RBM26: variants seen among roughly 807,000 people sequenced by gnomAD.
The protein encoded by RBM26 is RNA-binding protein 26.
A neutral mutation model predicts 123.6 loss-of-function variants in RBM26; 30 were observed. The ratio of observed to expected loss-of-function variants is 0.24; its 90% confidence interval spans 0.18 to 0.33. RBM26 has a LOEUF of 0.33. Among genes scored for constraint, RBM26 ranks in the 10% least tolerant of loss-of-function variants. The pLI, the probability that RBM26 is intolerant of heterozygous loss-of-function variation, is 1.00. For missense variants in RBM26, 947 were observed against 1,203.6 expected (o/e 0.79, Z 3.15); for synonymous variants, 400 against 404.4 (o/e 0.99, Z 0.13).
intron 1 of RBM26, among the ~76,000 whole-genome samples, chr13:79,382,764 T>G (rs1288279763): frequency 3.3e-5 from 5 of 152,138 alleles, no homozygotes; most frequent in Admixed American, 6.6e-5. Context: ...AACTGAGAAC[T>G]AGACAGGAAA....
chr13:79,319,979 T>A lies in RBM26; in HGVS notation c.*642A>T. 1.6e-6 allele frequency: 1 copy of A among 626,654 alleles called. No homozygotes were observed. The highest frequency in any genetic ancestry group is 1.9e-6 in the Non-Finnish European group (1 of 515,168). The allele number at this position is 626,654 out of a possible 1,614,324, so 38.8% of individuals were successfully genotyped here. A position where few individuals can be genotyped will look rare whatever the true frequency, so the allele number is the denominator to read the frequency against. On this transcript the variant is annotated 3_prime_UTR_variant, in exon 22 of 22. Coordinates refer to ENST00000438737, the MANE Select transcript of RBM26 (RefSeq NM_001366735.2). ...TTTTTTTTTTTTTTTTTGTCATTGC[T>A]TTTCTCTTTTCTTTCCTTTTTTTTT...
chr13:79,400,261 T>G (rs1054708545), intron 1 of RBM26, among the ~76,000 whole-genome samples: 9 of 152,176 alleles, frequency 5.9e-5, no homozygotes, highest in Non-Finnish European at 8.8e-5. Flanking sequence ...GATGGGTAAT[T>G]TATAAAGAAA....
At chr13:79,370,832 A>G in intron 5 of RBM26, 113 bp downstream of exon 5, 1 of 1,120,918 alleles carries the variant, frequency 8.9e-7, no homozygotes, top group Non-Finnish European at 1.3e-6. Context: ...TGGACCACAG[A>G]ATACATCATA....
intron 20 of RBM26, among the ~76,000 whole-genome samples, chr13:79,332,535 C>A (rs1033735314): frequency 6.6e-6 from 1 of 152,092 alleles, no homozygotes; most frequent in Non-Finnish European, 1.5e-5. Flanking sequence ...TATGCTTATG[C>A]TTTAACAACT....
At chr13:79,397,096 G>T (rs554236134) in intron 1 of RBM26, among the ~76,000 whole-genome samples, 18 of 152,268 alleles carry the variant, frequency 1.2e-4, no homozygotes, top group African/African-American at 2.9e-4. Context: ...CCTGAGAATC[G>T]TTTGAACCTG....
chr13:79,340,449 A>G (rs1221353156), intron 18 of RBM26, among the ~76,000 whole-genome samples: 1 of 152,064 alleles, frequency 6.6e-6, no homozygotes, highest in Non-Finnish European at 1.5e-5. Flanking sequence ...CTAAAGTATA[A>G]AAATCTTAAA....
intron 1 of RBM26, among the ~76,000 whole-genome samples, chr13:79,383,241 T>G (rs143580937): frequency 2.0e-5 from 3 of 152,084 alleles, no homozygotes; most frequent in African/African-American, 7.2e-5. Flanking sequence ...TATCAATGAG[T>G]AAAATCATTA....
At position 79,355,340 on chromosome 13, in the gene RBM26, T is replaced by G. The variant is rs1422464085; in HGVS notation, c.1734A>C (p.Ala578=). ...TTGCTTTCTTTGCTTCTTCGTATGT[T>G]GCAAATTGGATTAGGGCACCTTCAG... ...GDPEGALIQF[A]TYEEAKKAIS... Residue 578 remains alanine (A), a synonymous_variant, in exon 12 of 22, where the codon GCA becomes GCC. Transcript: ENST00000438737. 1 of 1,613,882 alleles carries G rather than the reference T, an allele frequency of 6.2e-7. No individual in the cohort carries two copies. Among genetic ancestry groups the G allele is most frequent in the East Asian group, 2.2e-5 (1 of 44,862 alleles).
chr13:79,387,460 A>C (rs542386019), intron 1 of RBM26, among the ~76,000 whole-genome samples: 1 of 152,244 alleles, frequency 6.6e-6, no homozygotes, highest in South Asian at 2.1e-4. Flanking sequence ...GTACTCCAAA[A>C]AACAATTTTC....
intron 11 of RBM26, among the ~76,000 whole-genome samples, chr13:79,355,697 T>C (rs1466503603): frequency 6.6e-6 from 1 of 152,190 alleles, no homozygotes; most frequent in African/African-American, 2.4e-5. Context: ...ACAATCCCTA[T>C]TGTCAATAAA....
In RBM26 at chr13:79,319,325, G is replaced by A. The variant is rs957929166; in HGVS notation, c.*1296C>T. ...AGGCAGAAACACTTGCAATCAAAAT[G>A]ATGAATTTGAAAATATAAATATGTA... is the stretch of plus-strand genomic sequence containing the variant. On this transcript the variant is annotated 3_prime_UTR_variant, in exon 22 of 22. Transcript: ENST00000438737. 1 of 981,390 alleles carries A rather than the reference G, an allele frequency of 1.0e-6. No individual in the cohort carries two copies. The highest frequency in any genetic ancestry group is 1.8e-5 in the African/African-American group (1 of 57,052). The allele number at this position is 981,390 out of a possible 1,614,324, so 60.8% of individuals were successfully genotyped here.
At chr13:79,373,644 T>C (rs2076349489) in intron 3 of RBM26, among the ~76,000 whole-genome samples, 2 of 79,490 alleles carry the variant, frequency 2.5e-5, no homozygotes, top group African/African-American at 1.1e-4. Context: ...TATATTTATA[T>C]AGTCTATTTA....
intron 1 of RBM26, among the ~76,000 whole-genome samples, chr13:79,390,709 C>G (rs900056920): frequency 2.6e-5 from 4 of 152,150 alleles, no homozygotes; most frequent in African/African-American, 9.7e-5. Context: ...GACAAGCACA[C>G]TAAAATGTTA....
chr13:79,387,787 C>T (rs1461207055), intron 1 of RBM26, among the ~76,000 whole-genome samples: 1 of 152,128 alleles, frequency 6.6e-6, no homozygotes, highest in Non-Finnish European at 1.5e-5. Context: ...CCTCAGCACT[C>T]ATGACCAAAT....
chr13:79,320,515 T>A lies in RBM26; in HGVS notation c.*106A>T. 1 of 1,269,326 alleles carries A rather than the reference T, an allele frequency of 7.9e-7. No homozygotes were observed. Among genetic ancestry groups the A allele is most frequent in the Non-Finnish European group, 1.0e-6 (1 of 999,938 alleles). The allele number at this position is 1,269,326 out of a possible 1,614,324, so 78.6% of individuals were successfully genotyped here. ...TGTCTATTTGTGAAATCCATCTTCA[T>A]CACATTTTACCAAAAATTGTTTTTA... On this transcript the variant is annotated 3_prime_UTR_variant, in exon 22 of 22. Coordinates refer to ENST00000438737, the MANE Select transcript of RBM26 (RefSeq NM_001366735.2).
chr13:79,320,985 G>A (rs1035223992), intron 21 of RBM26, among the ~76,000 whole-genome samples: 1 of 150,762 alleles, frequency 6.6e-6, no homozygotes, highest in Non-Finnish European at 1.5e-5. Flanking sequence ...AGCAAATTAC[G>A]CCATCTTCTG....
At position 79,344,742 on chromosome 13, in the gene RBM26, A is replaced by G. The variant is rs1030120403; in HGVS notation, c.2111T>C (p.Leu704Ser). 5 of 1,613,220 alleles carry G rather than the reference A, an allele frequency of 3.1e-6. No individual in the cohort carries two copies. In the African/African-American group the frequency reaches 6.7e-5, roughly 22 times the overall value. Residue 704 changes from leucine (L) to serine (S), a missense_variant, in exon 15 of 22, where the codon TTG (leucine) becomes TCG (serine). Around this residue, in one of 5 missense-constraint regions of RBM26, gnomAD observed 493 missense variants for 563.1 expected, o/e 0.88. Coordinates refer to ENST00000438737, the MANE Select transcript of RBM26 (RefSeq NM_001366735.2). ...AAGTAAGGTTTTCTGTGCAGCCTTC[A>G]AAGCAGCTGGATTATACACTGTTTT... ...LTKTVYNPAA[L>S]KAAQKTLLVS...
intron 1 of RBM26, among the ~76,000 whole-genome samples, chr13:79,394,328 T>C (rs80024436): frequency 0.087 from 13,227 of 152,244 alleles, 1,340 homozygotes; most frequent in African/African-American, 0.24. Context: ...TACTTGCTTT[T>C]TGAGTTAGCA....
At chr13:79,379,780 CT>C (rs975169580) in intron 1 of RBM26, among the ~76,000 whole-genome samples, 9 of 150,932 alleles carry the variant, frequency 6.0e-5, no homozygotes, top group African/African-American at 1.9e-4. Flanking sequence ...GCTAATTCCC[CT>C]AACCCACAGT....
Sources: gnomAD v4.1 joint callset for allele counts (sites outside exome capture counted in the v4.1 genomes callset) on GRCh38, gnomAD v4.1.1 for gene constraint, gnomAD v4.1.1 regional missense constraint, MANE v1.5 for transcripts, NCBI Gene and HGNC (gene_info 2026-07-23, HGNC 2026-07-21) for gene names.